The following PRIM2 variants were observed in gnomAD, a reference collection of about 807,000 sequenced individuals.
PRIM2 encodes DNA primase large subunit.
Under a neutral mutation model 67.3 loss-of-function variants are expected in PRIM2, and 39 were observed. That is an observed-to-expected ratio of 0.58 (90% CI 0.45 to 0.76). The LOEUF (loss-of-function observed/expected upper bound fraction) is 0.76, where lower values mean the gene tolerates loss of function less well. Among genes scored for constraint, PRIM2 ranks in the 30% least tolerant of loss-of-function variants. PRIM2 has a pLI of 0.00. For missense variants in PRIM2, 398 were observed against 598.7 expected, an observed-to-expected ratio of 0.66 and a Z score of 3.50; for synonymous variants, 143 against 198.7, an observed-to-expected ratio of 0.72 and a Z score of 2.36.
Position 57,487,495 on chromosome 6 carries a change from C to A in PRIM2, c.694-19892C>A, listed in dbSNP as rs1290496201. 6.8e-3 allele frequency among the ~76,000 whole-genome samples: 1,033 copies of A among 152,328 alleles called. 6 individuals are homozygous for A. Among genetic ancestry groups the A allele is most frequent in the Non-Finnish European group, 0.011 (720 of 68,038 alleles). On this transcript the variant is annotated intron_variant, in intron 7 of 13. Transcript: ENST00000615550. Reference sequence around the variant, plus strand: ...CCTCCCACCTTGGCTTCCCAAAGTGCTGGGATTACAGGCATGCGCCACTGC... The same window carrying A: ...CCTCCCACCTTGGCTTCCCAAAGTGATGGGATTACAGGCATGCGCCACTGC...
At chr6:57,247,016 G>T in the PRIM2 span, among the ~76,000 whole-genome samples, 2 of 152,022 alleles carry the variant, frequency 1.3e-5, no homozygotes, top group East Asian at 3.9e-4. Context: ...CACCATGCCC[G>T]GCTAATTTTT....
the PRIM2 span, among the ~76,000 whole-genome samples, chr6:57,283,671 T>C: frequency 6.6e-6 from 1 of 152,036 alleles, no homozygotes; most frequent in Non-Finnish European, 1.5e-5. Flanking sequence ...TGAAGAAAAA[T>C]AGATTAAGTA....
intron 9 of PRIM2, among the ~76,000 whole-genome samples, chr6:57,533,666 G>T (rs1774938362): frequency 1.3e-5 from 2 of 152,176 alleles, no homozygotes; most frequent in Non-Finnish European, 2.9e-5. Context: ...ATGGTTGGAG[G>T]TTAATTCTGT....
chr6:57,431,190 G>C (rs1202842504), intron 7 of PRIM2, among the ~76,000 whole-genome samples: 2 of 151,314 alleles, frequency 1.3e-5, no homozygotes, highest in African/African-American at 2.4e-5. Flanking sequence ...TGTCCAAATA[G>C]AGATTTGTAC....
chr6:57,532,343 A>C, intron 8 of PRIM2, 68 bp from the exon 9 acceptor site: 3 of 611,146 alleles, frequency 4.9e-6, no homozygotes, highest in Non-Finnish European at 7.6e-6. Context: ...GAATTTAAAA[A>C]ATTTCCTTCG....
At chr6:57,483,439 A>G (rs1773676567) in intron 7 of PRIM2, among the ~76,000 whole-genome samples, 1 of 152,168 alleles carries the variant, frequency 6.6e-6, no homozygotes, top group Non-Finnish European at 1.5e-5. Flanking sequence ...GCCAGAAGGA[A>G]CTTATCTTTA....
chr6:57,508,886 C>CT (rs1266568727), intron 8 of PRIM2, among the ~76,000 whole-genome samples: 1 of 149,646 alleles, frequency 6.7e-6, no homozygotes, highest in Non-Finnish European at 1.5e-5. Context: ...TTGTTACATA[C>CT]TTTTTTTCTA....
At chr6:57,475,374 C>T (rs1163430897) in intron 7 of PRIM2, among the ~76,000 whole-genome samples, 5 of 152,172 alleles carry the variant, frequency 3.3e-5, no homozygotes, top group African/African-American at 1.2e-4. Context: ...TCTACCCATC[C>T]TCCCAGACCT....
At chr6:57,582,158 G>C (rs1452728593) in intron 10 of PRIM2, among the ~76,000 whole-genome samples, 3 of 152,162 alleles carry the variant, frequency 2.0e-5, no homozygotes, top group African/African-American at 7.2e-5. Context: ...TTAGAAACTG[G>C]AACTTAGGGT....
intron 10 of PRIM2, among the ~76,000 whole-genome samples, chr6:57,579,304 G>GT (rs1230089832): frequency 2.2e-4 from 34 of 151,792 alleles, no homozygotes; most frequent in Admixed American, 1.4e-3. Flanking sequence ...ATAGATCCAT[G>GT]TTTTTTTTGT....
At chr6:57,569,294 A>T (rs1322788510) in intron 10 of PRIM2, among the ~76,000 whole-genome samples, 1 of 152,186 alleles carries the variant, frequency 6.6e-6, no homozygotes, top group Non-Finnish European at 1.5e-5. Flanking sequence ...AATTTACTTT[A>T]AAAAAATTAT....
chr6:57,454,749 T>C (rs1772698643), intron 7 of PRIM2, among the ~76,000 whole-genome samples: 2 of 152,022 alleles, frequency 1.3e-5, no homozygotes, highest in Non-Finnish European at 1.5e-5. Flanking sequence ...CTGGATTCAT[T>C]GATTTTTTGA....
intron 5 of PRIM2, among the ~76,000 whole-genome samples, chr6:57,371,076 G>A (rs1277423142): frequency 8.0e-5 from 12 of 150,328 alleles, no homozygotes; most frequent in Non-Finnish European, 1.3e-4. Flanking sequence ...AGATTTCAAT[G>A]AGAAGAAATA....
chr6:57,576,323 AT>A (rs1775964684), intron 10 of PRIM2, among the ~76,000 whole-genome samples: 1 of 151,876 alleles, frequency 6.6e-6, no homozygotes, highest in African/African-American at 2.4e-5. Flanking sequence ...AATTTGTCTT[AT>A]CTTTTTCTAT....
chr6:57,626,603 G>A (rs1776952109), intron 12 of PRIM2, among the ~76,000 whole-genome samples: 1 of 150,020 alleles, frequency 6.7e-6, no homozygotes, highest in East Asian at 2.0e-4. Flanking sequence ...TGAACTTTTT[G>A]TGAAGATGAA....
At chr6:57,564,756 T>G (rs1775704751) in intron 10 of PRIM2, among the ~76,000 whole-genome samples, 1 of 152,186 alleles carries the variant, frequency 6.6e-6, no homozygotes, top group African/African-American at 2.4e-5. Context: ...GTTTTGAGGC[T>G]AAATTTTCTC....
At chr6:57,292,176 A>T in the PRIM2 span, among the ~76,000 whole-genome samples, 1 of 152,192 alleles carries the variant, frequency 6.6e-6, no homozygotes, top group Non-Finnish European at 1.5e-5. Context: ...ATGTGCAAAA[A>T]TCACAAGCAT....
intron 7 of PRIM2, among the ~76,000 whole-genome samples, chr6:57,439,397 G>A: frequency 7.1e-6 from 1 of 139,990 alleles, no homozygotes; most frequent in African/African-American, 2.6e-5. Flanking sequence ...TTGAGTAGAG[G>A]TACTCTGTTT....
chr6:57,408,389 T>A (rs568940449), intron 7 of PRIM2, among the ~76,000 whole-genome samples: 95 of 152,294 alleles, frequency 6.2e-4, no homozygotes, highest in Non-Finnish European at 9.6e-4. Flanking sequence ...GGTGTCTGAT[T>A]TGCATATGGC....
Sources: allele counts gnomAD v4.1 joint callset (sites outside exome capture counted in the v4.1 genomes callset), GRCh38; gene constraint gnomAD v4.1.1; transcripts MANE v1.5; gene names NCBI Gene and HGNC (gene_info 2026-07-23, HGNC 2026-07-21).